SLC12A1: variants seen among roughly 807,000 people sequenced by gnomAD.
SLC12A1 encodes Na-K-2Cl cotransporter.
SLC12A1 carries 89 observed loss-of-function variants against 130.4 expected under a neutral mutation model. The ratio of observed to expected loss-of-function variants is 0.68; its 90% CI spans 0.58 to 0.81. The LOEUF (loss-of-function observed/expected upper bound fraction) is 0.81. Among genes scored for constraint, SLC12A1 ranks in the 40% least tolerant of loss-of-function variants. The probability of loss-of-function intolerance (pLI) is 0.00; values close to 1 mark genes in which losing one functional copy is unlikely to be tolerated. For missense variants in SLC12A1, 1,310 were observed against 1,336.4 expected, an observed-to-expected ratio of 0.98 and a Z score of 0.31; for synonymous variants, 499 against 460.0, an observed-to-expected ratio of 1.08 and a Z score of -1.09.
At chr15:48,269,909 G>T in intron 19 of SLC12A1, 145 bp downstream of exon 19, 1 of 453,948 alleles carries the variant, frequency 2.2e-6, no homozygotes, top group Non-Finnish European at 4.0e-6. Context: ...TCTTTTCCAA[G>T]GTGAAAAAAA....
At chr15:48,262,038 T>A (rs1022123663) in intron 17 of SLC12A1, among the ~76,000 whole-genome samples, 1 of 150,806 alleles carries the variant, frequency 6.6e-6, no homozygotes, top group African/African-American at 2.4e-5. Context: ...TGTGATATTG[T>A]TATTGTCAAT....
chr15:48,235,395 C>T, intron 9 of SLC12A1: 1 of 287,118 alleles, frequency 3.5e-6, no homozygotes, highest in Admixed American at 4.9e-5. Flanking sequence ...TTTCACTTAG[C>T]TTCCCACTTA....
In SLC12A1 at chr15:48,229,403, A is replaced by C; in HGVS notation, c.864+75A>C. 7 of 1,406,164 alleles carry C rather than the reference A, an allele frequency of 5.0e-6. No homozygotes were observed. The South Asian group carries it at 8.9e-5, about 18-fold the overall frequency. The allele number at this position is 1,406,164 out of a possible 1,614,324, so 87.1% of individuals were successfully genotyped here. On this transcript the variant is annotated intron_variant, in intron 6 of 26. Coordinates refer to ENST00000380993, the MANE Select transcript of SLC12A1 (RefSeq NM_000338.3). ...GTTTGCCTTCTCAGGGCACTAAGGG[A>C]TATCATTACAGCTAAATGAGAGGAA...
At chr15:48,263,317 T>C (rs1205948080) in intron 17 of SLC12A1, among the ~76,000 whole-genome samples, 3 of 152,236 alleles carry the variant, frequency 2.0e-5, no homozygotes, top group Non-Finnish European at 4.4e-5. Context: ...CTTACCTCTT[T>C]TCTCAATTTT....
intron 13 of SLC12A1, 36 bp from the exon 14 acceptor site, chr15:48,249,539 C>T (rs1280988899): frequency 2.7e-6 from 4 of 1,494,582 alleles, no homozygotes; most frequent in Non-Finnish European, 2.8e-6. Context: ...GGTCTCATCA[C>T]TCATACGTAC....
chr15:48,260,180 G>A (rs752333001), intron 17 of SLC12A1, among the ~76,000 whole-genome samples: 15 of 151,874 alleles, frequency 9.9e-5, no homozygotes, highest in East Asian at 1.9e-4. Context: ...CAGGAGAATC[G>A]CTTGAACCTG....
At chr15:48,237,884 G>A (rs1456022065) in intron 9 of SLC12A1, among the ~76,000 whole-genome samples, 2 of 152,118 alleles carry the variant, frequency 1.3e-5, no homozygotes, top group East Asian at 1.9e-4. Context: ...TGGTGTAATA[G>A]GTAGGAAGAC....
chr15:48,295,530 T>C (rs1394192084), intron 24 of SLC12A1, among the ~76,000 whole-genome samples: 5 of 152,226 alleles, frequency 3.3e-5, no homozygotes. Context: ...ACTGTGACCT[T>C]TGTCCCAAGA....
chr15:48,273,100 CAAAAAAAAA>C (rs58343718), intron 19 of SLC12A1, among the ~76,000 whole-genome samples: 3 of 82,002 alleles, frequency 3.7e-5, no homozygotes, highest in African/African-American at 3.9e-5. Context: ...GTCAGACTGT[CAAAAAAAAA>C]AAAAAAAAAA....
intron 4 of SLC12A1, chr15:48,223,206 T>C (rs1458550067): frequency 6.6e-6 from 1 of 152,216 alleles, no homozygotes. Context: ...TGAAATAGGC[T>C]GAGGGTAGCT....
chr15:48,226,624 C>A (rs2041291565), intron 5 of SLC12A1, 53 bp downstream of exon 5: 2 of 1,069,008 alleles, frequency 1.9e-6, no homozygotes, highest in Non-Finnish European at 2.9e-6. Flanking sequence ...GGTAGGCGAA[C>A]AATTTTTTAT....
At chr15:48,282,698 T>G (rs1047024249) in intron 20 of SLC12A1, among the ~76,000 whole-genome samples, 1 of 152,084 alleles carries the variant, frequency 6.6e-6, no homozygotes, top group Non-Finnish European at 1.5e-5. Context: ...TATAGAACCG[T>G]ATCTTTAGGG....
At chr15:48,221,106 T>C in intron 4 of SLC12A1, 110 bp downstream of exon 4, 1 of 1,043,208 alleles carries the variant, frequency 9.6e-7, no homozygotes, top group Admixed American at 1.8e-5. Context: ...AGAAATAATT[T>C]ACAGTTGGGC....
chr15:48,270,057 C>T (rs2041876285), intron 19 of SLC12A1, among the ~76,000 whole-genome samples: 1 of 152,208 alleles, frequency 6.6e-6, no homozygotes, highest in South Asian at 2.1e-4. Context: ...GAAAGCACAG[C>T]TAAGCAAGGA....
At chr15:48,253,697 T>G (rs2041672456) in intron 15 of SLC12A1, among the ~76,000 whole-genome samples, 1 of 152,230 alleles carries the variant, frequency 6.6e-6, no homozygotes, top group South Asian at 2.1e-4. Flanking sequence ...GATTTATGAT[T>G]AATAGTAAGT....
rs1263927582 is a variant in SLC12A1 at position 48,207,677 on chromosome 15, C to T, written c.-43C>T. The T allele has an allele frequency of 8.9e-6, 13 of 1,461,402 alleles. No individual in the cohort carries two copies. The South Asian group carries it at 1.8e-4, about 20-fold the overall frequency. 90.5% of individuals were successfully genotyped at this position (1,461,402 alleles called of 1,614,324 possible). A position where few individuals can be genotyped will look rare whatever the true frequency, so the allele number is the denominator to read the frequency against. The stretch of plus-strand genomic sequence containing the variant: ...GAAGAAATATATAGATTTTTTAAAA[C>T]AACCACAAAGTAGATAGCTCAGTAA... On this transcript the variant is annotated 5_prime_UTR_variant, in exon 2 of 27. An upstream open reading frame in the 5' UTR gains an earlier in-frame stop. Transcript: ENST00000380993.
chr15:48,259,378 G>A (rs1217821390), intron 17 of SLC12A1, 67 bp downstream of exon 17: 2 of 1,092,990 alleles, frequency 1.8e-6, no homozygotes, highest in Non-Finnish European at 2.8e-6. Context: ...TTTTGGGTGA[G>A]GAGAAAAGGT....
At chr15:48,288,242 AG>A (rs1566857321) in intron 22 of SLC12A1, 68 bp downstream of exon 22, 1 of 1,467,682 alleles carries the variant, frequency 6.8e-7, no homozygotes, top group Non-Finnish European at 9.4e-7. Context: ...CTGCATGAGA[AG>A]GTATATGGGA....
At chr15:48,255,772 G>C (rs375381336) in intron 15 of SLC12A1, 39 bp from the exon 16 acceptor site, 1 of 1,243,048 alleles carries the variant, frequency 8.0e-7, no homozygotes, top group Non-Finnish European at 1.2e-6. Context: ...CAGAGGAAAG[G>C]TCAGTGTTTT....
Sources: allele counts gnomAD v4.1 joint callset (sites outside exome capture counted in the v4.1 genomes callset), GRCh38; gene constraint gnomAD v4.1.1; transcripts MANE v1.5; gene names NCBI Gene and HGNC (gene_info 2026-07-23, HGNC 2026-07-21).